Variants in MRPL34 observed in about 807,000 individuals in gnomAD.
The protein encoded by MRPL34 is mitochondrial ribosomal protein L34.
MRPL34 carries 8 observed loss-of-function variants against 6.7 expected under a neutral mutation model. The observed-to-expected ratio is 1.20, with a 90% CI of 0.70 to 2.16. MRPL34 has a LOEUF of 2.16. MRPL34 is among the 30% of genes most tolerant of loss of function. The pLI, the probability that MRPL34 is intolerant of heterozygous loss-of-function variation, is 0.00. For missense variants in MRPL34, 146 were observed against 125.5 expected (o/e 1.16, Z -0.78); for synonymous variants, 59 against 55.1 (o/e 1.07, Z -0.31).
upstream of MRPL34, chr19:17,305,792 G>A (rs375703549): frequency 9.4e-6 from 12 of 1,272,380 alleles, no homozygotes; most frequent in African/African-American, 8.7e-5. Flanking sequence ...TTTTTTGCAC[G>A]TTAGGAGAAA....
At chr19:17,305,602 C>T (rs906453826), upstream of MRPL34, 6 of 457,972 alleles carry the variant, frequency 1.3e-5, no homozygotes, top group Non-Finnish European at 2.4e-5. Context: ...AACTACAGCT[C>T]AGCTGCCAGC....
chr19:17,294,583 C>A, intron 1 of MRPL34: 1 of 1,607,446 alleles, frequency 6.2e-7, no homozygotes, highest in Non-Finnish European at 8.5e-7. Flanking sequence ...CAGCCCTAGT[C>A]CCAGCGGTAC....
At chr19:17,295,296 G>T (rs529401613) in intron 1 of MRPL34, among the ~76,000 whole-genome samples, 4 of 151,576 alleles carry the variant, frequency 2.6e-5, no homozygotes, top group Admixed American at 2.6e-4. Context: ...TAGTAGAGAT[G>T]GGGTTTCACC....
At chr19:17,301,150 C>G (rs1276644683), upstream of MRPL34, 1 of 1,611,884 alleles carries the variant, frequency 6.2e-7, no homozygotes. Context: ...ATGGATGGTC[C>G]TCTTGGGGCG....
At chr19:17,295,266 C>G (rs62126250) in intron 1 of MRPL34, among the ~76,000 whole-genome samples, 2 of 151,300 alleles carry the variant, frequency 1.3e-5, no homozygotes, top group African/African-American at 4.9e-5. Flanking sequence ...CCACCGCGCC[C>G]GGCTAATTTT....
intron 1 of MRPL34, chr19:17,294,936 T>C: frequency 6.8e-7 from 1 of 1,478,406 alleles, no homozygotes. Flanking sequence ...TTGTTTTTGT[T>C]TTTGTTTGAG....
At chr19:17,301,776 T>TTGTGTGTGTGTG (rs10679164), upstream of MRPL34, among the ~76,000 whole-genome samples, 131 of 147,464 alleles carry the variant, frequency 8.9e-4, 1 homozygote, top group African/African-American at 2.8e-3. Flanking sequence ...ATTTTTTTGT[T>TTGTGTGTGTGTG]TGTGTGTGTG....
chr19:17,305,908 G>A lies in MRPL34; in HGVS notation c.16G>A (p.Gly6Arg), dbSNP rs780181202. 6.2e-7 allele frequency: 1 copy of A among 1,614,096 alleles called. No homozygotes were observed. Among genetic ancestry groups the A allele is most frequent in the African/African-American group, 1.3e-5 (1 of 75,066 alleles). MAVLA[G>R]SLLGPTSRSA... is the part of the protein sequence containing the mutation. ...CACTGCGGATATGGCTGTCTTGGCT[G>A]GATCCCTGTTGGGCCCCACGAGTAG... Residue 6 changes from glycine (G) to arginine (R), a missense_variant, in exon 1 of 2, where the codon GGA becomes AGA. Physicochemically the swap from Gly to Arg is moderately radical, Grantham distance 125. Transcript: ENST00000252602.
Position 17,305,942 on chromosome 19 carries a change from C to T in MRPL34, c.50C>T (p.Ala17Val). The stretch of plus-strand genomic sequence containing the variant: ...TTGGGCCCCACGAGTAGGTCGGCAG[C>T]GTTGCTGGGTGGCAGGTAAGTCCTC... Reference protein sequence around the residue: ...SLLGPTSRSAALLGGRWLQPR... With the variant: ...SLLGPTSRSAVLLGGRWLQPR... The change falls in exon 1 of 2, where the codon GCG becomes GTG. Residue 17 changes from alanine (A) to valine (V), a missense_variant. Transcript: ENST00000252602. The T allele has an allele frequency of 6.2e-7, 1 of 1,614,134 alleles. No homozygotes were observed. The highest frequency in any genetic ancestry group is 8.5e-7 in the Non-Finnish European group (1 of 1,180,022).
At chr19:17,293,968 A>T (rs1373521481) in intron 1 of MRPL34, among the ~76,000 whole-genome samples, 1 of 152,124 alleles carries the variant, frequency 6.6e-6, no homozygotes, top group African/African-American at 2.4e-5. Flanking sequence ...TTCTAGAATT[A>T]TATAGGTCAC....
At position 17,306,310 on chromosome 19, in the gene MRPL34, G is replaced by A. The variant is rs1373396509; in HGVS notation, c.210G>A (p.Leu70=). 1.2e-6 allele frequency: 2 copies of A among 1,610,378 alleles called. No homozygotes were observed. Among genetic ancestry groups the A allele is most frequent in the East Asian group, 2.2e-5 (1 of 44,802 alleles). Residue 70 remains leucine, a synonymous_variant, in exon 2 of 2, where the codon CTG becomes CTA. Transcript: ENST00000252602. ...ACAAGCACGGCTGGGTCCGGCGCCT[G>A]AGCACGCCGGCCGGCGTGCAGGTCA... ...RKNKHGWVRR[L]STPAGVQVIL...
chr19:17,293,791 T>TC (rs2074081400), intron 1 of MRPL34, among the ~76,000 whole-genome samples: 1 of 151,780 alleles, frequency 6.6e-6, no homozygotes. Flanking sequence ...ACTCCTGGGT[T>TC]CAAGCGATCC....
chr19:17,306,233 C>A lies in MRPL34; in HGVS notation c.133C>A (p.Arg45=). The A allele has an allele frequency of 6.3e-7, 1 of 1,575,002 alleles. No individual in the cohort carries two copies. The highest frequency in any genetic ancestry group is 2.3e-5 in the East Asian group (1 of 42,646). ...GGGCCTCCCCACCCCGCAGCAGGCC[C>A]GGGGCAAGGCTCGCGGGAATGAGTA... is the stretch of plus-strand genomic sequence containing the variant. ...AWGLPTPQQA[R]GKARGNEYQP... Residue 45 remains arginine, a synonymous_variant, in exon 2 of 2, where the codon CGG becomes AGG. Transcript: ENST00000252602.
At chr19:17,305,621 G>T, upstream of MRPL34, 1 of 509,048 alleles carries the variant, frequency 2.0e-6, no homozygotes, top group Non-Finnish European at 3.6e-6. Context: ...GCTGACCGCG[G>T]GAGATAATGC....
Position 17,305,950 on chromosome 19 carries a change from G to T in MRPL34, c.58G>T (p.Gly20Cys). ...CACGAGTAGGTCGGCAGCGTTGCTG[G>T]GTGGCAGGTAAGTCCTCAGGGGGAC... The part of the protein sequence containing the change: ...GPTSRSAALL[G>C]GRWLQPRAWL... The change falls in exon 1 of 2, where the codon GGT becomes TGT. Residue 20 changes from glycine (G) to cysteine (C), a missense_variant. By Grantham distance (159) the Gly-to-Cys change is radical. Coordinates refer to ENST00000252602, the MANE Select transcript of MRPL34 (RefSeq NM_023937.4). The T allele has an allele frequency of 6.2e-7, 1 of 1,614,146 alleles. No homozygotes were observed. Among genetic ancestry groups the T allele is most frequent in the African/African-American group, 1.3e-5 (1 of 75,056 alleles).
upstream of MRPL34, chr19:17,301,191 A>ACTGCCG (rs748998381): frequency 7.4e-5 from 118 of 1,604,476 alleles, 1 homozygote; most frequent in Admixed American, 1.8e-4. Context: ...CACCACTGCC[A>ACTGCCG]CTGCCGCTGC....
In MRPL34 at chr19:17,306,317, C is replaced by G. The variant is rs763601052; in HGVS notation, c.217C>G (p.Pro73Ala). 1 of 1,610,400 alleles carries G rather than the reference C, an allele frequency of 6.2e-7. No individual in the cohort carries two copies. The highest frequency in any genetic ancestry group is 8.5e-7 in the Non-Finnish European group (1 of 1,179,270). Residue 73 changes from proline to alanine, a missense_variant, in exon 2 of 2, where the codon CCG becomes GCG. By Grantham distance (27) the Pro-to-Ala change is conservative (BLOSUM62 -1). Coordinates refer to ENST00000252602, the MANE Select transcript of MRPL34 (RefSeq NM_023937.4). ...CGGCTGGGTCCGGCGCCTGAGCACG[C>G]CGGCCGGCGTGCAGGTCATCCTTCG... ...KHGWVRRLSTPAGVQVILRRM... is the reference protein window; with the variant it reads ...KHGWVRRLSTAAGVQVILRRM...
chr19:17,294,327 A>G (rs1284654419), intron 1 of MRPL34: 10 of 1,611,306 alleles, frequency 6.2e-6, no homozygotes, highest in Non-Finnish European at 8.5e-6. Flanking sequence ...GCACAAACTT[A>G]TCGTGCATGC....
upstream of MRPL34, among the ~76,000 whole-genome samples, chr19:17,299,389 G>A (rs1215211983): frequency 6.6e-6 from 1 of 151,754 alleles, no homozygotes; most frequent in Admixed American, 6.6e-5. Context: ...GTGAAACCCC[G>A]TCTGTACTAA....
Sources: gnomAD v4.1 joint callset for allele counts (sites outside exome capture counted in the v4.1 genomes callset) on GRCh38, gnomAD v4.1.1 for gene constraint, MANE v1.5 for transcripts, NCBI Gene and HGNC (gene_info 2026-07-23, HGNC 2026-07-21) for gene names.